Variants in ATP11B observed in about 807,000 individuals in gnomAD.
ATP11B encodes phospholipid-transporting ATPase IF.
Under a neutral mutation model 157.8 loss-of-function variants are expected in ATP11B, and 81 were observed. That is an observed-to-expected ratio of 0.51 (90% CI 0.43 to 0.62). ATP11B has a LOEUF of 0.62. Ranked by LOEUF, ATP11B falls within the 20% of genes least tolerant of loss-of-function variation. The pLI is 0.00. For missense variants in ATP11B, 1,165 were observed against 1,402.2 expected, an observed-to-expected ratio of 0.83 and a Z score of 2.70; for synonymous variants, 451 against 469.4, an observed-to-expected ratio of 0.96 and a Z score of 0.51.
intron 1 of ATP11B, among the ~76,000 whole-genome samples, chr3:182,797,677 T>C (rs4859244): frequency 0.72 from 108,942 of 151,840 alleles, 39,549 homozygotes; most frequent in Non-Finnish European, 0.78. Flanking sequence ...CACTGGACTC[T>C]AGCCTGGGTG....
In ATP11B at chr3:182,859,166, T is replaced by C; in HGVS notation, c.1007T>C (p.Leu336Pro). 6.3e-7 allele frequency: 1 copy of C among 1,593,950 alleles called. No individual in the cohort carries two copies. The highest frequency in any genetic ancestry group is 8.6e-7 in the Non-Finnish European group (1 of 1,167,150). The change falls in exon 12 of 30, where the codon CTG becomes CCG. Residue 336 changes from leucine to proline, a missense_variant. Transcript: ENST00000323116. ...TEHQRNSSKILRFISDFLAFL... is the reference protein window; with the variant it reads ...TEHQRNSSKIPRFISDFLAFL... ...CAATTATTTCCTTTTTTCTAGATTC[T>C]GAGATTTATTTCAGACTTCCTTGCT...
chr3:182,863,183 C>G (rs1720980905), intron 12 of ATP11B, among the ~76,000 whole-genome samples: 1 of 152,148 alleles, frequency 6.6e-6, no homozygotes, highest in South Asian at 2.1e-4. Flanking sequence ...GGATTACAAG[C>G]ATGAGCCACC....
intron 12 of ATP11B, among the ~76,000 whole-genome samples, chr3:182,862,070 AC>A (rs1345751508): frequency 2.6e-5 from 4 of 151,980 alleles, no homozygotes; most frequent in Non-Finnish European, 5.9e-5. Flanking sequence ...ACATGGCAAA[AC>A]CCCATCTCTA....
Position 182,829,681 on chromosome 3 carries a change from G to GCTT in ATP11B, c.244_245insCTT (p.Asp82delinsAlaTyr). 1 of 1,595,224 alleles carries GCTT rather than the reference G, an allele frequency of 6.3e-7. No individual in the cohort carries two copies. The highest frequency in any genetic ancestry group is 8.6e-7 in the Non-Finnish European group (1 of 1,165,932). On this transcript the variant is annotated protein_altering_variant, in exon 4 of 30. Coordinates refer to ENST00000323116, the MANE Select transcript of ATP11B (RefSeq NM_014616.3). ...TTTTTTATAAATCTAGCTTATGATT[G>GCTT]ATACACCTACCAGTCCAGTTACCAG...
intron 28 of ATP11B, among the ~76,000 whole-genome samples, chr3:182,911,432 G>A (rs1385882321): frequency 6.6e-6 from 1 of 151,974 alleles, no homozygotes; most frequent in African/African-American, 2.4e-5. Context: ...GAAGTGCTAT[G>A]GTAAAGGGGT....
chr3:182,891,975 A>G (rs1215301093), intron 25 of ATP11B, among the ~76,000 whole-genome samples: 3 of 152,238 alleles, frequency 2.0e-5, no homozygotes, highest in African/African-American at 4.8e-5. Context: ...TGGCTAGCAT[A>G]TAGAAGTATT....
At chr3:182,887,741 T>G (rs750272247) in intron 24 of ATP11B, 28 bp downstream of exon 24, 1 of 1,589,932 alleles carries the variant, frequency 6.3e-7, no homozygotes, top group Non-Finnish European at 8.5e-7. Context: ...TTAAATGGCC[T>G]TATCAGTTTT....
chr3:182,860,366 A>G (rs1270546987), intron 12 of ATP11B, among the ~76,000 whole-genome samples: 1 of 152,190 alleles, frequency 6.6e-6, no homozygotes, highest in Non-Finnish European at 1.5e-5. Context: ...ATCCAGTTCC[A>G]TTCTGATTCC....
At chr3:182,829,640 A>G in intron 3 of ATP11B, 32 bp from the exon 4 acceptor site, 1 of 1,382,590 alleles carries the variant, frequency 7.2e-7, no homozygotes. Flanking sequence ...ATATAAAAAT[A>G]TAATATTCTG....
intron 3 of ATP11B, among the ~76,000 whole-genome samples, chr3:182,828,670 C>T (rs1173873353): frequency 6.7e-6 from 1 of 150,044 alleles, no homozygotes; most frequent in Non-Finnish European, 1.5e-5. Flanking sequence ...TTTTAAGTAT[C>T]CCTGTGGGTG....
intron 1 of ATP11B, among the ~76,000 whole-genome samples, chr3:182,811,509 T>C (rs1480433913): frequency 6.6e-6 from 1 of 152,168 alleles, no homozygotes; most frequent in East Asian, 1.9e-4. Flanking sequence ...ACCAACCTTA[T>C]TTCTGAAAAG....
chr3:182,890,717 T>A (rs1173478389), intron 25 of ATP11B, among the ~76,000 whole-genome samples: 1 of 152,186 alleles, frequency 6.6e-6, no homozygotes, highest in Non-Finnish European at 1.5e-5. Context: ...TTTGTTGAGT[T>A]TGTTTCTCTA....
chr3:182,893,049 G>C (rs1467979248), intron 25 of ATP11B, among the ~76,000 whole-genome samples: 1 of 152,088 alleles, frequency 6.6e-6, no homozygotes, highest in East Asian at 1.9e-4. Flanking sequence ...CACAGTATTT[G>C]AATCTAAGTA....
chr3:182,827,739 C>T (rs1717821139), intron 2 of ATP11B, among the ~76,000 whole-genome samples: 1 of 151,474 alleles, frequency 6.6e-6, no homozygotes, highest in Non-Finnish European at 1.5e-5. Context: ...CTAGTATCTG[C>T]ATTTCTATCA....
At chr3:182,828,726 T>G (rs1717899871) in intron 3 of ATP11B, among the ~76,000 whole-genome samples, 1 of 151,608 alleles carries the variant, frequency 6.6e-6, no homozygotes, top group African/African-American at 2.4e-5. Context: ...CTTAAGTCTG[T>G]GTTTATTATA....
At chr3:182,838,800 T>TATATATAC (rs141453930) in intron 7 of ATP11B, among the ~76,000 whole-genome samples, 40 of 150,770 alleles carry the variant, frequency 2.7e-4, no homozygotes, top group African/African-American at 9.7e-4. Context: ...TATATATATA[T>TATATATAC]ACACACACAT....
chr3:182,814,820 T>C (rs9816882), intron 1 of ATP11B, among the ~76,000 whole-genome samples: 5,284 of 152,114 alleles, frequency 0.035, 312 homozygotes, highest in African/African-American at 0.12. Context: ...AAGAATCTTA[T>C]AGTCTGGAGG....
At chr3:182,903,192 A>G (rs1186770945) in intron 28 of ATP11B, among the ~76,000 whole-genome samples, 1 of 152,166 alleles carries the variant, frequency 6.6e-6, no homozygotes, top group Non-Finnish European at 1.5e-5. Context: ...AGAACTGTTT[A>G]TATTAAGATA....
At chr3:182,871,894 C>A (rs1721687285) in intron 17 of ATP11B, among the ~76,000 whole-genome samples, 1 of 152,070 alleles carries the variant, frequency 6.6e-6, no homozygotes, top group African/African-American at 2.4e-5. Context: ...CGGCTCACTG[C>A]AAGCTCCACC....
Sources: allele counts gnomAD v4.1 joint callset (sites outside exome capture counted in the v4.1 genomes callset), GRCh38; gene constraint gnomAD v4.1.1; transcripts MANE v1.5; gene names NCBI Gene and HGNC (gene_info 2026-07-23, HGNC 2026-07-21).